USP34: variants seen among roughly 807,000 people sequenced by gnomAD.
USP34 encodes ubiquitin specific peptidase 34.
In USP34, 70 loss-of-function variants were observed where a neutral mutation model predicts 460.3. That is an observed-to-expected ratio of 0.15 (90% CI 0.13 to 0.19). The LOEUF (loss-of-function observed/expected upper bound fraction) is 0.19, where lower values mean the gene tolerates loss of function less well. Ranked by LOEUF, USP34 falls within the 10% of genes least tolerant of loss-of-function variation. The pLI, the probability that USP34 is intolerant of heterozygous loss-of-function variation, is 1.00. For missense variants in USP34, 3,985 were observed against 4,236.2 expected (o/e 0.94, Z 1.65); for synonymous variants, 1,647 against 1,405.3 (o/e 1.17, Z -3.85).
chr2:61,319,111 AT>A (rs1449405781), intron 22 of USP34, 61 bp downstream of exon 22: 2 of 1,473,226 alleles, frequency 1.4e-6, no homozygotes, highest in Non-Finnish European at 1.8e-6. Flanking sequence ...CAGAATTCGT[AT>A]TTCAAGAGAT....
intron 1 of USP34, among the ~76,000 whole-genome samples, chr2:61,445,880 A>C (rs1440041268): frequency 6.6e-6 from 1 of 151,852 alleles, no homozygotes; most frequent in Non-Finnish European, 1.5e-5. Context: ...CCTGAAAGGC[A>C]GAGGTTGCAG....
intron 70 of USP34, chr2:61,208,078 T>C (rs1687169760): frequency 6.6e-6 from 1 of 152,348 alleles, no homozygotes; most frequent in African/African-American, 2.4e-5. Flanking sequence ...GTAATAGTCC[T>C]TCTGGTTTCC....
At chr2:61,442,956 T>C (rs982210991) in intron 1 of USP34, among the ~76,000 whole-genome samples, 2 of 146,798 alleles carry the variant, frequency 1.4e-5, no homozygotes, top group Non-Finnish European at 3.0e-5. Flanking sequence ...ATACATCCAT[T>C]AAAAATAATG....
intron 27 of USP34, among the ~76,000 whole-genome samples, chr2:61,308,390 T>C (rs1690480030): frequency 6.6e-6 from 1 of 152,082 alleles, no homozygotes; most frequent in Admixed American, 6.6e-5. Flanking sequence ...AAAAACTCAG[T>C]AGAAAGACTG....
intron 1 of USP34, among the ~76,000 whole-genome samples, chr2:61,466,008 C>G (rs1573074147): frequency 6.6e-6 from 1 of 151,552 alleles, no homozygotes; most frequent in Admixed American, 6.6e-5. Context: ...AACAAAAACA[C>G]AACAAAATTT....
intron 72 of USP34, among the ~76,000 whole-genome samples, chr2:61,204,950 G>A (rs994180689): frequency 6.6e-6 from 1 of 152,126 alleles, no homozygotes; most frequent in African/African-American, 2.4e-5. Context: ...GAGCTCCTGG[G>A]TGCAAGTGAT....
intron 53 of USP34, 97 bp from the exon 54 acceptor site, chr2:61,236,486 C>A: frequency 2.2e-6 from 2 of 892,910 alleles, no homozygotes; most frequent in Non-Finnish European, 3.3e-6. Flanking sequence ...TAAAAAACCA[C>A]AAAATAAAAT....
intron 10 of USP34, among the ~76,000 whole-genome samples, chr2:61,352,716 A>G (rs571289286): frequency 2.0e-5 from 3 of 151,770 alleles, no homozygotes; most frequent in Admixed American, 6.6e-5. Flanking sequence ...AAATGTGTAC[A>G]TTATTTAATT....
chr2:61,314,851 C>G (rs1304130952), intron 24 of USP34, 24 bp downstream of exon 24: 3 of 1,600,614 alleles, frequency 1.9e-6, no homozygotes, highest in Non-Finnish European at 1.7e-6. Context: ...AATTACCTAT[C>G]AGACAATGTT....
intron 61 of USP34, among the ~76,000 whole-genome samples, chr2:61,227,528 T>G (rs142072270): frequency 6.6e-6 from 1 of 152,064 alleles, no homozygotes; most frequent in Non-Finnish European, 1.5e-5. Flanking sequence ...CTGGCCGACA[T>G]GGTGAAACTC....
intron 3 of USP34, among the ~76,000 whole-genome samples, chr2:61,405,029 C>T (rs1693826227): frequency 6.6e-6 from 1 of 151,878 alleles, no homozygotes; most frequent in East Asian, 1.9e-4. Flanking sequence ...AGATCGAGAC[C>T]ATCCTGGCTA....
At chr2:61,243,586 A>AC (rs1430402126) in intron 51 of USP34, among the ~76,000 whole-genome samples, 9 of 148,024 alleles carry the variant, frequency 6.1e-5, no homozygotes, top group Non-Finnish European at 1.3e-4. Context: ...TTAAAAGGAA[A>AC]CATTCGGCTG....
intron 1 of USP34, among the ~76,000 whole-genome samples, chr2:61,454,036 G>C (rs776891447): frequency 2.0e-5 from 3 of 152,082 alleles, no homozygotes; most frequent in Non-Finnish European, 2.9e-5. Flanking sequence ...ACAGAAGACA[G>C]CTAGATTTAT....
Position 61,190,282 on chromosome 2 carries a change from A to C in USP34, c.9862T>G (p.Ser3288Ala), listed in dbSNP as rs770413388. The change falls in exon 78 of 80, where the codon TCT becomes GCT. Residue 3288 changes from serine to alanine, a missense_variant. Physicochemically the swap from Ser to Ala is moderately conservative, Grantham distance 99 (BLOSUM62 1). This residue lies in a region of USP34 where 506 missense variants were observed against 439.0 expected (regional missense o/e 1.15). Transcript: ENST00000398571. Reference sequence around the variant, plus strand: ...TGCATAGTTCTTACCCCATTTAAAGAAGCACTTGCTTTGGAAATTTCAACT... The same window carrying C: ...TGCATAGTTCTTACCCCATTTAAAGCAGCACTTGCTTTGGAAATTTCAACT... ...NRVEISKASA[S>A]LNGDLRALAL... 12 of 1,612,306 alleles carry C rather than the reference A, an allele frequency of 7.4e-6. No homozygotes were observed. The highest frequency in any genetic ancestry group is 1.7e-4 in the Middle Eastern group (1 of 6,056).
intron 75 of USP34, among the ~76,000 whole-genome samples, chr2:61,194,782 C>A (rs768442069): frequency 6.6e-5 from 10 of 152,052 alleles, no homozygotes; most frequent in Non-Finnish European, 1.5e-4. Flanking sequence ...ATGGAGAAAC[C>A]GTCTCTAGTA....
At chr2:61,454,064 C>A (rs1695361316) in intron 1 of USP34, among the ~76,000 whole-genome samples, 1 of 152,130 alleles carries the variant, frequency 6.6e-6, no homozygotes, top group Admixed American at 6.6e-5. Flanking sequence ...AAAATTTTAA[C>A]AATCACAAGG....
intron 10 of USP34, among the ~76,000 whole-genome samples, chr2:61,369,927 A>G (rs964352179): frequency 6.6e-6 from 1 of 151,492 alleles, no homozygotes; most frequent in African/African-American, 2.4e-5. Flanking sequence ...AAAAACATGT[A>G]ATATATTTTT....
At position 61,228,683 on chromosome 2, in the gene USP34, T is replaced by C. The variant is rs375458823; in HGVS notation, c.7405A>G (p.Met2469Val). ...TTTGTTCCCATGTAAAAATGTACCATTGTAGATATAGCTTGCAATGAAAGC... is the reference window on the plus strand; with the variant it reads ...TTTGTTCCCATGTAAAAATGTACCACTGTAGATATAGCTTGCAATGAAAGC... ...FLLSLQAIST[M>V]VHFYMGTKGP... Residue 2469 changes from methionine (M) to valine (V), a missense_variant, in exon 61 of 80, where the codon ATG becomes GTG. By Grantham distance (21) the Met-to-Val change is conservative. Coordinates refer to ENST00000398571, the MANE Select transcript of USP34 (RefSeq NM_014709.4). 2.7e-5 allele frequency: 43 copies of C among 1,612,076 alleles called. No individual in the cohort carries two copies. Among genetic ancestry groups the C allele is most frequent in the South Asian group, 7.7e-5 (7 of 90,446 alleles).
At position 61,190,654 on chromosome 2, in the gene USP34, G is replaced by C. The variant is rs1036616776; in HGVS notation, c.9593C>G (p.Ala3198Gly). ...LWTELCQTQS[A>G]MSKNCIKLLC... ...AAGCTTGATGCAGTTTTTTGACATA[G>C]CAGACTAAAGTGGGGAGAAGATGGT... Residue 3198 changes from alanine to glycine, a missense_variant, in exon 77 of 80, where the codon GCT (alanine) becomes GGT (glycine). Ala to Gly is a moderately conservative substitution (Grantham distance 60, BLOSUM62 0). This residue lies in a region of USP34 where 506 missense variants were observed against 439.0 expected (regional missense o/e 1.15). Transcript: ENST00000398571. 5 of 1,612,784 alleles carry C rather than the reference G, an allele frequency of 3.1e-6. No individual in the cohort carries two copies. Among genetic ancestry groups the C allele is most frequent in the Non-Finnish European group, 4.2e-6 (5 of 1,179,638 alleles).
Sources: gnomAD v4.1 joint callset for allele counts (sites outside exome capture counted in the v4.1 genomes callset) on GRCh38, gnomAD v4.1.1 for gene constraint, gnomAD v4.1.1 regional missense constraint, MANE v1.5 for transcripts, NCBI Gene and HGNC (gene_info 2026-07-23, HGNC 2026-07-21) for gene names.